Variants in CNTN4 observed in about 807,000 individuals in gnomAD.
The protein encoded by CNTN4 is contactin 4, also known as contactin-4.
In CNTN4, 77 loss-of-function variants were observed where a neutral mutation model predicts 122.5. That is an observed-to-expected ratio of 0.63 (90% CI 0.52 to 0.76). The LOEUF (loss-of-function observed/expected upper bound fraction) is 0.76. Ranked by LOEUF, CNTN4 falls within the 30% of genes least tolerant of loss-of-function variation. The pLI is 0.00. For missense variants in CNTN4, 1,256 were observed against 1,259.1 expected (o/e 1.00, Z 0.04); for synonymous variants, 512 against 447.0 (o/e 1.15, Z -1.83).
chr3:2,941,636 CT>C (rs1318489110), intron 13 of CNTN4, among the ~76,000 whole-genome samples: 2 of 152,210 alleles, frequency 1.3e-5, no homozygotes, highest in African/African-American at 2.4e-5. Context: ...CCCAACCACC[CT>C]CATTTCTTGT....
intron 6 of CNTN4, among the ~76,000 whole-genome samples, chr3:2,789,539 T>A (rs1372143560): frequency 1.4e-4 from 22 of 152,196 alleles, no homozygotes; most frequent in Admixed American, 1.4e-3. Context: ...TTCAAGTGAT[T>A]CTTCTGCCTC....
chr3:2,264,477 T>C (rs1428576189), intron 2 of CNTN4, among the ~76,000 whole-genome samples: 1 of 152,134 alleles, frequency 6.6e-6, no homozygotes, highest in Non-Finnish European at 1.5e-5. Context: ...TGGTTTTTGC[T>C]ATTGAGTTGT....
At chr3:2,174,488 G>C (rs1328219203) in intron 2 of CNTN4, among the ~76,000 whole-genome samples, 1 of 152,062 alleles carries the variant, frequency 6.6e-6, no homozygotes, top group Non-Finnish European at 1.5e-5. Flanking sequence ...TCTTCTCTCT[G>C]AGTTCTCACA....
At chr3:2,693,452 T>A (rs1359272678) in intron 4 of CNTN4, among the ~76,000 whole-genome samples, 1 of 152,144 alleles carries the variant, frequency 6.6e-6, no homozygotes, top group Non-Finnish European at 1.5e-5. Context: ...ACATGATCCC[T>A]ACCCTCTAAA....
Position 2,738,520 on chromosome 3 carries a change from G to A in CNTN4, c.182+2179G>A, listed in dbSNP as rs542763967. Among the ~76,000 whole-genome samples, 15 of 152,222 alleles carry A rather than the reference G, an allele frequency of 9.9e-5. No individual in the cohort carries two copies. In the South Asian group the frequency reaches 3.1e-3, roughly 32 times the overall value. On this transcript the variant is annotated intron_variant, in intron 5 of 24. Transcript: ENST00000418658. ...AAGAGAAATGATTCCAGATAGAAGA[G>A]CTGAGCTACAAGAATAAATAAGTAA...
intron 8 of CNTN4, 94 bp downstream of exon 8, chr3:2,867,043 C>T: frequency 8.7e-7 from 1 of 1,145,614 alleles, no homozygotes; most frequent in Non-Finnish European, 1.3e-6. Flanking sequence ...GCTTTGTTGT[C>T]TAAATTAAAT....
chr3:2,803,223 G>T (rs533332923), intron 6 of CNTN4, among the ~76,000 whole-genome samples: 1 of 152,224 alleles, frequency 6.6e-6, no homozygotes, highest in Admixed American at 6.5e-5. Flanking sequence ...ATACAAATTA[G>T]AAATCATGAA....
At chr3:2,720,202 T>C (rs1406806940) in intron 4 of CNTN4, among the ~76,000 whole-genome samples, 3 of 152,226 alleles carry the variant, frequency 2.0e-5, no homozygotes, top group Non-Finnish European at 2.9e-5. Flanking sequence ...TTCCTATTTT[T>C]TGCTACATTA....
chr3:2,143,189 C>G (rs148605602), intron 2 of CNTN4, among the ~76,000 whole-genome samples: 17 of 152,170 alleles, frequency 1.1e-4, no homozygotes, highest in Non-Finnish European at 1.9e-4. Flanking sequence ...TTTACGTTTC[C>G]CATTTTCTTT....
At chr3:2,835,353 C>G (rs1447474971) in intron 7 of CNTN4, among the ~76,000 whole-genome samples, 3 of 152,182 alleles carry the variant, frequency 2.0e-5, no homozygotes, top group East Asian at 3.9e-4. Flanking sequence ...ATATTTGTTA[C>G]TTAACTTGAT....
In CNTN4 at chr3:2,404,714, C is replaced by A. The variant is rs139055266; in HGVS notation, c.-89+65481C>A. The stretch of plus-strand genomic sequence containing the variant: ...AGTCCCTTCACAGTAATACTTAGAT[C>A]GGTATTTGATAGAATAATCAGTAAA... On this transcript the variant is annotated intron_variant, in intron 3 of 24. Coordinates refer to ENST00000418658, the MANE Select transcript of CNTN4 (RefSeq NM_175607.3). 1.2e-4 allele frequency among the ~76,000 whole-genome samples: 18 copies of A among 152,220 alleles called. No individual in the cohort carries two copies. The South Asian group carries it at 3.7e-3, about 32-fold the overall frequency.
chr3:2,937,012 G>A (rs1353395272), intron 13 of CNTN4, among the ~76,000 whole-genome samples: 2 of 152,078 alleles, frequency 1.3e-5, no homozygotes, highest in African/African-American at 2.4e-5. Flanking sequence ...TTTACTCTCT[G>A]GCTCTTTACA....
intron 14 of CNTN4, among the ~76,000 whole-genome samples, chr3:3,018,869 T>G (rs1368005143): frequency 1.3e-5 from 2 of 152,130 alleles, no homozygotes; most frequent in Non-Finnish European, 2.9e-5. Context: ...AAAAAAAGTA[T>G]AATGTGAACC....
At position 3,053,862 on chromosome 3, in the gene CNTN4, C is replaced by G; in HGVS notation, c.2867C>G (p.Thr956Arg). 1 of 1,614,122 alleles carries G rather than the reference C, an allele frequency of 6.2e-7. No homozygotes were observed. Reference protein sequence around the residue: ...SSTSVIETNKTSVELSLPFDE... With the variant: ...SSTSVIETNKRSVELSLPFDE... ...ACATCTGTCATTGAAACAAATAAAACATCGGTGGAGCTTTCTTTGCCTTTC... is the reference window on the plus strand; with the variant it reads ...ACATCTGTCATTGAAACAAATAAAAGATCGGTGGAGCTTTCTTTGCCTTTC... The change falls in exon 24 of 25, where the codon ACA becomes AGA. Residue 956 changes from threonine to arginine, a missense_variant. Physicochemically the swap from Thr to Arg is moderately conservative, Grantham distance 71 (BLOSUM62 -1). Coordinates refer to ENST00000418658, the MANE Select transcript of CNTN4 (RefSeq NM_175607.3).
intron 13 of CNTN4, among the ~76,000 whole-genome samples, chr3:2,932,219 T>C (rs546388497): frequency 6.6e-6 from 1 of 151,702 alleles, no homozygotes; most frequent in South Asian, 2.1e-4. Flanking sequence ...TTACTAAAAA[T>C]ACAAAAAAAT....
chr3:2,823,883 C>T (rs578243540), intron 7 of CNTN4, among the ~76,000 whole-genome samples: 1 of 152,256 alleles, frequency 6.6e-6, no homozygotes, highest in African/African-American at 2.4e-5. Context: ...GCATTGGCCT[C>T]ACCTGGAAAT....
At chr3:2,888,710 A>G (rs1004612475) in intron 10 of CNTN4, among the ~76,000 whole-genome samples, 1 of 152,004 alleles carries the variant, frequency 6.6e-6, no homozygotes, top group African/African-American at 2.4e-5. Flanking sequence ...AAATATACAT[A>G]TATTCATATT....
chr3:2,361,969 A>G (rs1329789233), intron 3 of CNTN4, among the ~76,000 whole-genome samples: 1 of 152,226 alleles, frequency 6.6e-6, no homozygotes, highest in Non-Finnish European at 1.5e-5. Context: ...GAAACTATAG[A>G]AAGACCTGAG....
chr3:2,989,288 C>T (rs997811274), intron 14 of CNTN4, among the ~76,000 whole-genome samples: 1 of 152,124 alleles, frequency 6.6e-6, no homozygotes, highest in African/African-American at 2.4e-5. Flanking sequence ...CTCAAGGTCA[C>T]GAGTAGCAGG....
Sources: gnomAD v4.1 joint callset for allele counts (sites outside exome capture counted in the v4.1 genomes callset) on GRCh38, gnomAD v4.1.1 for gene constraint, MANE v1.5 for transcripts, NCBI Gene and HGNC (gene_info 2026-07-23, HGNC 2026-07-21) for gene names.